ABL2: variants seen among roughly 807,000 people sequenced by gnomAD.
ABL2 encodes ABL proto-oncogene 2, non-receptor tyrosine kinase.
In ABL2, 49 loss-of-function variants were observed where a neutral mutation model predicts 107.7. The observed-to-expected ratio is 0.45, with a 90% confidence interval of 0.36 to 0.58. The LOEUF is 0.58. Among genes scored for constraint, ABL2 ranks in the 20% least tolerant of loss-of-function variants. The pLI is 0.00. For missense variants in ABL2, 1,245 were observed against 1,457.0 expected, an observed-to-expected ratio of 0.85 and a Z score of 2.37; for synonymous variants, 549 against 548.6, an observed-to-expected ratio of 1.00 and a Z score of -0.01.
chr1:179,114,728 T>C (rs569194109), intron 9 of ABL2, 150 bp downstream of exon 9: 5 of 757,370 alleles, frequency 6.6e-6, no homozygotes, highest in South Asian at 3.8e-5. Flanking sequence ...GTATATGATA[T>C]GACAACTGGC....
chr1:179,159,620 G>C (rs1658941963), intron 1 of ABL2, among the ~76,000 whole-genome samples: 1 of 151,464 alleles, frequency 6.6e-6, no homozygotes, highest in Non-Finnish European at 1.5e-5. Context: ...CTAAAATTTT[G>C]ATTAATAGCC....
chr1:179,206,736 T>C (rs866719790), intron 1 of ABL2, among the ~76,000 whole-genome samples: 2 of 152,194 alleles, frequency 1.3e-5, no homozygotes, highest in Admixed American at 6.5e-5. Context: ...ACTGTATCTC[T>C]TGAATTTTGA....
At chr1:179,110,711 CA>C (rs1444312504) in intron 10 of ABL2, 1 of 1,605,930 alleles carries the variant, frequency 6.2e-7, no homozygotes, top group Non-Finnish European at 8.5e-7. Flanking sequence ...TACCACAATC[CA>C]CCTGTTCTCC....
intron 9 of ABL2, among the ~76,000 whole-genome samples, chr1:179,114,171 C>T (rs1654384932): frequency 6.6e-6 from 1 of 152,066 alleles, no homozygotes; most frequent in African/African-American, 2.4e-5. Context: ...AGGAGAATCG[C>T]TTGAACCTGG....
intron 1 of ABL2, among the ~76,000 whole-genome samples, chr1:179,175,895 G>C (rs541927998): frequency 7.0e-6 from 1 of 143,060 alleles, no homozygotes; most frequent in Non-Finnish European, 1.5e-5. Flanking sequence ...TCCTTCTGTC[G>C]GCCAGGCTGG....
At chr1:179,113,833 C>T (rs1443991603) in intron 9 of ABL2, among the ~76,000 whole-genome samples, 2 of 151,808 alleles carry the variant, frequency 1.3e-5, no homozygotes, top group Admixed American at 1.3e-4. Flanking sequence ...ACTCAGGAGG[C>T]TGAGGCAGGA....
chr1:179,185,283 T>C (rs957701889), intron 1 of ABL2, among the ~76,000 whole-genome samples: 8 of 152,324 alleles, frequency 5.3e-5, no homozygotes, highest in African/African-American at 1.7e-4. Context: ...GCATGTTAAA[T>C]TGAGGTGTCT....
intron 1 of ABL2, among the ~76,000 whole-genome samples, chr1:179,200,111 G>A (rs9425839): frequency 0.51 from 73,858 of 145,048 alleles, 18,600 homozygotes; most frequent in Admixed American, 0.57. Context: ...CAGTGGTACA[G>A]CCTTGGCTCA....
chr1:179,111,303 T>TTTTG (rs1654055481), intron 10 of ABL2, among the ~76,000 whole-genome samples: 1 of 145,120 alleles, frequency 6.9e-6, no homozygotes, highest in African/African-American at 2.6e-5. Context: ...TTTTTTTTTT[T>TTTTG]GACAGGGAGT....
chr1:179,138,914 TGGC>T (rs1657299176), intron 1 of ABL2, among the ~76,000 whole-genome samples: 1 of 152,178 alleles, frequency 6.6e-6, no homozygotes, highest in Non-Finnish European at 1.5e-5. Context: ...GGCGTGGGCT[TGGC>T]GGGCCCCGCA....
chr1:179,227,097 T>C (rs1663259319), intron 1 of ABL2, among the ~76,000 whole-genome samples: 1 of 152,208 alleles, frequency 6.6e-6, no homozygotes, highest in African/African-American at 2.4e-5. Context: ...TAAATGGATA[T>C]AAACTTCTCT....
chr1:179,133,925 C>A (rs945271923), intron 1 of ABL2, among the ~76,000 whole-genome samples: 1 of 152,102 alleles, frequency 6.6e-6, no homozygotes, highest in African/African-American at 2.4e-5. Context: ...TACTTTCTGA[C>A]TGGGGTGGAG....
chr1:179,161,073 T>C (rs1344447303), intron 1 of ABL2, among the ~76,000 whole-genome samples: 1 of 152,146 alleles, frequency 6.6e-6, no homozygotes, highest in Admixed American at 6.5e-5. Flanking sequence ...CCAATGCTAG[T>C]AGTCTAGGGA....
chr1:179,208,488 T>C (rs184271506), intron 1 of ABL2, among the ~76,000 whole-genome samples: 1 of 152,340 alleles, frequency 6.6e-6, no homozygotes, highest in East Asian at 1.9e-4. Flanking sequence ...GATTTTGTTC[T>C]TTTTTATGGC....
chr1:179,140,089 C>T (rs542391162), intron 1 of ABL2, among the ~76,000 whole-genome samples: 1 of 152,188 alleles, frequency 6.6e-6, no homozygotes, highest in African/African-American at 2.4e-5. Context: ...GATTGCTACT[C>T]CTCTGTTCAA....
intron 1 of ABL2, among the ~76,000 whole-genome samples, chr1:179,133,662 C>G (rs945316383): frequency 4.6e-5 from 7 of 152,140 alleles, no homozygotes; most frequent in Non-Finnish European, 1.5e-5. Context: ...TACTCAGCTC[C>G]AATATATAGT....
intron 1 of ABL2, among the ~76,000 whole-genome samples, chr1:179,139,937 T>G (rs571145288): frequency 1.3e-5 from 2 of 152,304 alleles, no homozygotes; most frequent in African/African-American, 4.8e-5. Flanking sequence ...AAAAATTGAC[T>G]TCCATGAAAC....
At chr1:179,147,181 CAA>C (rs58297805) in intron 1 of ABL2, among the ~76,000 whole-genome samples, 26 of 50,528 alleles carry the variant, frequency 5.1e-4, no homozygotes, top group South Asian at 1.7e-3. Flanking sequence ...CAGAGAAATG[CAA>C]AAAAAAAAAA....
chr1:179,227,497 T>C (rs184574704), intron 1 of ABL2, among the ~76,000 whole-genome samples: 2 of 152,090 alleles, frequency 1.3e-5, no homozygotes, highest in Admixed American at 1.3e-4. Flanking sequence ...ATTCCATTCT[T>C]CATGACTTCC....
Sources: gnomAD v4.1 joint callset for allele counts (sites outside exome capture counted in the v4.1 genomes callset) on GRCh38, gnomAD v4.1.1 for gene constraint, MANE v1.5 for transcripts, NCBI Gene and HGNC (gene_info 2026-07-23, HGNC 2026-07-21) for gene names.